Variants in AASDHPPT observed in about 807,000 individuals in gnomAD.
The protein encoded by AASDHPPT is aminoadipate-semialdehyde dehydrogenase-phosphopantetheinyl transferase, also known as L-aminoadipate-semialdehyde dehydrogenase-phosphopantetheinyl transferase.
AASDHPPT carries 23 observed loss-of-function variants against 36.4 expected under a neutral mutation model. The observed-to-expected ratio is 0.63, with a 90% CI of 0.45 to 0.89. AASDHPPT has a LOEUF of 0.89. Ranked by LOEUF, AASDHPPT falls within the 40% of genes least tolerant of loss-of-function variation. The pLI is 0.00. For missense variants in AASDHPPT, 377 were observed against 378.2 expected (o/e 1.00, Z 0.03); for synonymous variants, 115 against 128.0 (o/e 0.90, Z 0.68).
At chr11:106,088,219 T>C (rs886085088) in intron 2 of AASDHPPT, among the ~76,000 whole-genome samples, 1 of 152,106 alleles carries the variant, frequency 6.6e-6, no homozygotes, top group African/African-American at 2.4e-5. Context: ...TGATTGCCTT[T>C]TATGTTAATC....
Position 106,094,702 on chromosome 11 carries a change from T to A in AASDHPPT, c.765+48T>A, listed in dbSNP as rs758251465. On this transcript the variant is annotated intron_variant, in intron 5 of 5. Coordinates refer to ENST00000278618, the MANE Select transcript of AASDHPPT (RefSeq NM_015423.3). The stretch of plus-strand genomic sequence containing the variant: ...TTTTCTAAATAGCATGAATCAATGT[T>A]AAGTTTGCTCTTTATTGATGGAAAT... 4 of 1,432,782 alleles carry A rather than the reference T, an allele frequency of 2.8e-6. No individual in the cohort carries two copies. In the Admixed American group the frequency reaches 8.1e-5, roughly 29 times the overall value. 88.8% of individuals were successfully genotyped at this position (1,432,782 alleles called of 1,614,324 possible). A position where few individuals can be genotyped will look rare whatever the true frequency, so the allele number is the denominator to read the frequency against.
chr11:106,094,924 C>T (rs1861297924), intron 5 of AASDHPPT, among the ~76,000 whole-genome samples: 2 of 151,882 alleles, frequency 1.3e-5, no homozygotes, highest in Non-Finnish European at 2.9e-5. Context: ...TCAGGAGTTC[C>T]AGACCAGCCT....
At chr11:106,081,274 T>C (rs763659454) in intron 2 of AASDHPPT, among the ~76,000 whole-genome samples, 6 of 152,254 alleles carry the variant, frequency 3.9e-5, no homozygotes, top group Non-Finnish European at 7.3e-5. Flanking sequence ...ACCTTTCCAG[T>C]ACAACTCTAT....
At position 106,077,830 on chromosome 11, in the gene AASDHPPT, T is replaced by A; in HGVS notation, c.120T>A (p.Ile40=). Residue 40 remains isoleucine (I), a synonymous_variant, in exon 1 of 6, where the codon ATT becomes ATA. Transcript: ENST00000278618. ...AATGGCTGCTGGCAGTGCGATCGAT[T>A]CAGCCCGAGGAGAAGGAGCGCATTG... ...RAEWLLAVRS[I]QPEEKERIGQ... 6.2e-7 allele frequency: 1 copy of A among 1,614,178 alleles called. No individual in the cohort carries two copies. Among genetic ancestry groups the A allele is most frequent in the Non-Finnish European group, 8.5e-7 (1 of 1,180,004 alleles).
In AASDHPPT at chr11:106,077,714, G is replaced by GT. The variant is rs754743194; in HGVS notation, c.8dup (p.Ala5CysfsTer54). 2.5e-6 allele frequency: 4 copies of GT among 1,613,522 alleles called. No individual in the cohort carries two copies. Among genetic ancestry groups the GT allele is most frequent in the East Asian group, 4.5e-5 (2 of 44,828 alleles). On this transcript the variant is annotated frameshift_variant, in exon 1 of 6. Coordinates refer to ENST00000278618, the MANE Select transcript of AASDHPPT (RefSeq NM_015423.3). LOFTEE classifies it high-confidence loss of function. ...CGGCGAGGTCCGCTTTCAGTGTATG[G>GT]TTTTCCCTGCCAAACGGTTCTGCTT...
At chr11:106,080,317 C>T (rs2135035462) in intron 2 of AASDHPPT, among the ~76,000 whole-genome samples, 1 of 152,204 alleles carries the variant, frequency 6.6e-6, no homozygotes, top group South Asian at 2.1e-4. Context: ...GGAACCAGTC[C>T]CCAGTGGATA....
At chr11:106,090,874 A>G (rs1487115718) in intron 3 of AASDHPPT, among the ~76,000 whole-genome samples, 196 bp downstream of exon 3, 1 of 128,640 alleles carries the variant, frequency 7.8e-6, no homozygotes, top group African/African-American at 2.5e-5. Context: ...TTTAACCTAT[A>G]TGTAATGCTC....
At position 106,091,373 on chromosome 11, in the gene AASDHPPT, C is replaced by T. The variant is rs1326141469; in HGVS notation, c.589C>T (p.Arg197Trp). 52 of 1,607,352 alleles carry T rather than the reference C, an allele frequency of 3.2e-5. No homozygotes were observed. The highest frequency in any genetic ancestry group is 2.9e-4 in the East Asian group (13 of 44,206). ...IGVGLGFELQ[R>W]LEFDLSPLNL... ...TGTTGGACTAGGATTTGAATTGCAG[C>T]GGCTTGAATTTGATCTATCTCCATT... Residue 197 changes from arginine to tryptophan, a missense_variant, in exon 4 of 6, where the codon CGG becomes TGG. Transcript: ENST00000278618.
At chr11:106,089,952 T>G (rs7946174) in intron 2 of AASDHPPT, among the ~76,000 whole-genome samples, 143,493 of 152,084 alleles carry the variant, frequency 0.94, 68,184 homozygotes, top group Non-Finnish European at 1. Flanking sequence ...TTTATTTGAA[T>G]AAGTCATATT....
rs916749408 is a variant in AASDHPPT at position 106,077,867 on chromosome 11, T to G, written c.157T>G (p.Phe53Val). ...EEKERIGQFV[F>V]ARDAKAAMAG... The stretch of plus-strand genomic sequence containing the variant: ...GAAGGAGCGCATTGGCCAGTTCGTC[T>G]TTGCCCGGGACGCTAAGGCAGCCAT... The change falls in exon 1 of 6, where the codon TTT (phenylalanine) becomes GTT (valine). Residue 53 changes from phenylalanine (F) to valine (V), a missense_variant. Phe to Val is a conservative substitution (Grantham distance 50). Transcript: ENST00000278618. The G allele has an allele frequency of 1.1e-5, 17 of 1,614,138 alleles. No homozygotes were observed. Among genetic ancestry groups the G allele is most frequent in the Non-Finnish European group, 1.4e-5 (17 of 1,179,966 alleles).
intron 4 of AASDHPPT, 52 bp downstream of exon 4, chr11:106,091,529 T>A: frequency 6.7e-7 from 1 of 1,497,584 alleles, no homozygotes; most frequent in Non-Finnish European, 8.9e-7. Flanking sequence ...TTTTTATGCA[T>A]GTATGTGTGA....
rs1360617689 is a variant in AASDHPPT, at chr11:106,098,516, T to A, written c.*1609T>A. ...TACTTCGATTAGTAAAAGAAAAAAA[T>A]TTGAATGTTTTTTTTTTTTATTTTA... is the stretch of plus-strand genomic sequence containing the variant. On this transcript the variant is annotated 3_prime_UTR_variant, in exon 6 of 6. Coordinates refer to ENST00000278618, the MANE Select transcript of AASDHPPT (RefSeq NM_015423.3). The A allele has an allele frequency of 2.7e-5, 4 of 149,866 alleles. No homozygotes were observed. Among genetic ancestry groups the A allele is most frequent in the Admixed American group, 1.3e-4 (2 of 14,994 alleles). The allele number at this position is 149,866 out of a possible 1,614,324, so 9.3% of individuals were successfully genotyped here.
chr11:106,082,829 C>A (rs952030860), intron 2 of AASDHPPT, among the ~76,000 whole-genome samples: 1 of 151,950 alleles, frequency 6.6e-6, no homozygotes, highest in African/African-American at 2.4e-5. Flanking sequence ...CCTTTGTTTT[C>A]TAATTTTTTC....
chr11:106,084,289 C>T (rs1184847993), intron 2 of AASDHPPT, among the ~76,000 whole-genome samples: 3 of 152,110 alleles, frequency 2.0e-5, no homozygotes, highest in Admixed American at 6.5e-5. Flanking sequence ...TTTGATTTAG[C>T]GATCTTGTTT....
intron 2 of AASDHPPT, among the ~76,000 whole-genome samples, chr11:106,084,818 T>G (rs1441955032): frequency 6.6e-6 from 1 of 151,916 alleles, no homozygotes; most frequent in Admixed American, 6.6e-5. Context: ...TTTCACCACG[T>G]TGGCCAGGCT....
chr11:106,096,377 A>G (rs554377618), intron 5 of AASDHPPT, among the ~76,000 whole-genome samples: 16 of 152,162 alleles, frequency 1.1e-4, no homozygotes, highest in Non-Finnish European at 2.1e-4. Flanking sequence ...ACAAAAGTTC[A>G]CTTTCTCACT....
Position 106,098,517 on chromosome 11 carries a change from T to G in AASDHPPT, c.*1610T>G, listed in dbSNP as rs1033862854. 42 of 150,022 alleles carry G rather than the reference T, an allele frequency of 2.8e-4. No individual in the cohort carries two copies. The highest frequency in any genetic ancestry group is 1.0e-3 in the African/African-American group (42 of 41,060). 9.3% of individuals were successfully genotyped at this position (150,022 alleles called of 1,614,324 possible). The stretch of plus-strand genomic sequence containing the variant: ...ACTTCGATTAGTAAAAGAAAAAAAT[T>G]TGAATGTTTTTTTTTTTTATTTTAT... On this transcript the variant is annotated 3_prime_UTR_variant, in exon 6 of 6. Transcript: ENST00000278618.
intron 4 of AASDHPPT, chr11:106,091,729 TG>T: frequency 3.2e-6 from 1 of 311,392 alleles, no homozygotes; most frequent in Non-Finnish European, 5.8e-6. Flanking sequence ...TTTGCATGTA[TG>T]AACAGCCAAA....
At chr11:106,079,135 A>G (rs184816564) in intron 1 of AASDHPPT, among the ~76,000 whole-genome samples, 21 of 152,360 alleles carry the variant, frequency 1.4e-4, no homozygotes, top group Non-Finnish European at 2.4e-4. Flanking sequence ...ATGTGGTAGA[A>G]TACTGCATAA....
Sources: allele counts gnomAD v4.1 joint callset (sites outside exome capture counted in the v4.1 genomes callset), GRCh38; gene constraint gnomAD v4.1.1; transcripts MANE v1.5; gene names NCBI Gene and HGNC (gene_info 2026-07-23, HGNC 2026-07-21).